The following MAPK10 variants were observed in gnomAD, a reference collection of about 807,000 sequenced individuals.
MAPK10 encodes JNK3 alpha protein kinase.
MAPK10 carries 25 observed loss-of-function variants against 59.3 expected under a neutral mutation model. The ratio of observed to expected loss-of-function variants is 0.42; its 90% CI spans 0.31 to 0.59. The LOEUF (loss-of-function observed/expected upper bound fraction) is 0.59. Among genes scored for constraint, MAPK10 ranks in the 20% least tolerant of loss-of-function variants. The probability of loss-of-function intolerance (pLI) is 0.15; values close to 1 mark genes in which losing one functional copy is unlikely to be tolerated. For missense variants in MAPK10, 351 were observed against 568.9 expected (o/e 0.62, Z 3.90); for synonymous variants, 190 against 200.5 (o/e 0.95, Z 0.44).
At chr4:86,303,814 T>C (rs1421240866) in intron 2 of MAPK10, among the ~76,000 whole-genome samples, 2 of 152,270 alleles carry the variant, frequency 1.3e-5, no homozygotes, top group Admixed American at 1.3e-4. Context: ...TCATTTGCAT[T>C]AGTATGAACA....
At chr4:86,571,917 T>G (rs796204912) in intron 1 of MAPK10, among the ~76,000 whole-genome samples, 48 of 152,070 alleles carry the variant, frequency 3.2e-4, no homozygotes, top group African/African-American at 1.0e-3. Context: ...TTTTTTTCAG[T>G]TTGTCATGGT....
Position 86,479,729 on chromosome 4 carries a change from G to A in MAPK10, c.-263+114181C>T, listed in dbSNP as rs975228721. ...AGGCACTCTCTAGTTAGATGTCCTA[G>A]GTCCTCCCAATTCTTACTCCTTTAA... On this transcript the variant is annotated intron_variant, in intron 1 of 4. Transcript: ENST00000502302. Among the ~76,000 whole-genome samples the A allele has an allele frequency of 4.6e-5, 7 of 152,076 alleles. No homozygotes were observed. In the South Asian group the frequency reaches 1.4e-3, roughly 31 times the overall value.
intron 3 of MAPK10, among the ~76,000 whole-genome samples, chr4:86,171,751 T>C (rs1041047152): frequency 6.6e-6 from 1 of 151,532 alleles, no homozygotes; most frequent in African/African-American, 2.4e-5. Flanking sequence ...CTAAAGAGCT[T>C]CTGCACAGCA....
intron 4 of MAPK10, among the ~76,000 whole-genome samples, chr4:86,128,374 A>C (rs1426857931): frequency 2.6e-5 from 4 of 152,056 alleles, no homozygotes; most frequent in Non-Finnish European, 5.9e-5. Context: ...AGATGGAGGT[A>C]ATTTAATCAT....
At chr4:86,096,479 A>G (rs2054247402) in intron 9 of MAPK10, among the ~76,000 whole-genome samples, 1 of 151,934 alleles carries the variant, frequency 6.6e-6, no homozygotes, top group Non-Finnish European at 1.5e-5. Flanking sequence ...ATGCCTGAAG[A>G]GCTAAATAAG....
chr4:86,150,349 TGTACAC>T (rs2066103309), intron 4 of MAPK10, among the ~76,000 whole-genome samples: 1 of 152,206 alleles, frequency 6.6e-6, no homozygotes, highest in Non-Finnish European at 1.5e-5. Context: ...TTAGGTAACA[TGTACAC>T]CACTTGGGTG....
chr4:86,019,163 A>AAATG (rs1478144844), intron 13 of MAPK10, among the ~76,000 whole-genome samples: 1 of 152,244 alleles, frequency 6.6e-6, no homozygotes, highest in African/African-American at 2.4e-5. Context: ...ATCTTCAAAT[A>AAATG]AACGGTAAGA....
At chr4:86,231,470 A>T (rs2091519575) in intron 2 of MAPK10, among the ~76,000 whole-genome samples, 1 of 152,012 alleles carries the variant, frequency 6.6e-6, no homozygotes, top group African/African-American at 2.4e-5. Context: ...CCTGGCCAAC[A>T]TGATGAAACC....
At chr4:86,439,668 G>C (rs1451813018) in intron 1 of MAPK10, among the ~76,000 whole-genome samples, 1 of 152,224 alleles carries the variant, frequency 6.6e-6, no homozygotes, top group Admixed American at 6.5e-5. Context: ...GAAACTGTCA[G>C]ACGGTTTTTG....
chr4:86,232,609 G>A (rs1470119837), intron 2 of MAPK10, among the ~76,000 whole-genome samples: 2 of 152,124 alleles, frequency 1.3e-5, no homozygotes, highest in Non-Finnish European at 2.9e-5. Context: ...TCCTGACCTC[G>A]TGATCCGCCT....
At chr4:86,315,003 T>C (rs1032448445) in intron 2 of MAPK10, among the ~76,000 whole-genome samples, 1 of 152,174 alleles carries the variant, frequency 6.6e-6, no homozygotes, top group Non-Finnish European at 1.5e-5. Context: ...TAAAATACTT[T>C]TAAAAAATTC....
intron 1 of MAPK10, among the ~76,000 whole-genome samples, chr4:86,429,485 T>C (rs1049096092): frequency 6.6e-6 from 1 of 152,208 alleles, no homozygotes; most frequent in South Asian, 2.1e-4. Flanking sequence ...AATTAGATCA[T>C]TATCTAATAA....
intron 2 of MAPK10, chr4:86,332,449 G>A (rs2096175894): frequency 6.6e-6 from 1 of 152,100 alleles, no homozygotes; most frequent in African/African-American, 2.4e-5. Context: ...CAATGTAAAA[G>A]TGTTCTCAGT....
intron 1 of MAPK10, chr4:86,542,446 G>A (rs1315027467): frequency 1.3e-5 from 2 of 152,576 alleles, no homozygotes; most frequent in East Asian, 3.9e-4. Context: ...ACAGTGGTGT[G>A]TACCTGTAGT....
chr4:86,587,641 A>C (rs1762736767), intron 1 of MAPK10, among the ~76,000 whole-genome samples: 1 of 152,234 alleles, frequency 6.6e-6, no homozygotes, highest in African/African-American at 2.4e-5. Context: ...GTAGGGAAAA[A>C]CACTAACATA....
chr4:86,279,652 T>C (rs1164721218), intron 2 of MAPK10, among the ~76,000 whole-genome samples: 1 of 152,176 alleles, frequency 6.6e-6, no homozygotes, highest in African/African-American at 2.4e-5. Context: ...TCTCTCCCTT[T>C]GCTCTCTTGC....
At chr4:86,377,382 C>T (rs1291709841) in intron 1 of MAPK10, among the ~76,000 whole-genome samples, 1 of 152,156 alleles carries the variant, frequency 6.6e-6, no homozygotes, top group Non-Finnish European at 1.5e-5. Flanking sequence ...AGAAGCTGAC[C>T]TGGCAATGAT....
intron 1 of MAPK10, among the ~76,000 whole-genome samples, chr4:86,498,736 C>A (rs183882625): frequency 6.6e-6 from 1 of 152,156 alleles, no homozygotes; most frequent in African/African-American, 2.4e-5. Flanking sequence ...CTGTTGCTGC[C>A]TAAGCGTATT....
At chr4:86,076,384 G>A (rs113052335) in intron 9 of MAPK10, among the ~76,000 whole-genome samples, 28 of 152,280 alleles carry the variant, frequency 1.8e-4, no homozygotes, top group African/African-American at 6.0e-4. Flanking sequence ...GCTGTAGACC[G>A]GAGCTGTTCC....
Sources: gnomAD v4.1 joint callset for allele counts (sites outside exome capture counted in the v4.1 genomes callset) on GRCh38, gnomAD v4.1.1 for gene constraint, MANE v1.5 for transcripts, NCBI Gene and HGNC (gene_info 2026-07-23, HGNC 2026-07-21) for gene names.